The following CEP89 variants were observed in gnomAD, a reference collection of about 807,000 sequenced individuals.
CEP89 encodes centrosomal protein of 89 kDa.
In CEP89, 95 loss-of-function variants were observed where a neutral mutation model predicts 97.6. That is an observed-to-expected ratio of 0.97 (90% CI 0.82 to 1.15). The LOEUF is 1.15. CEP89 is among the 50% of genes most tolerant of loss of function. The pLI is 0.00. For synonymous variants in CEP89, 354 were observed against 349.1 expected (o/e 1.01, Z -0.16); for missense variants, 869 against 947.7 (o/e 0.92, Z 1.09).
At chr19:32,894,456 C>T (rs1427555974) in intron 16 of CEP89, among the ~76,000 whole-genome samples, 1 of 152,150 alleles carries the variant, frequency 6.6e-6, no homozygotes, top group African/African-American at 2.4e-5. Context: ...TGTAGCTTCC[C>T]CAATCTCCAG....
intron 17 of CEP89, among the ~76,000 whole-genome samples, chr19:32,886,017 C>A (rs1207174338): frequency 6.6e-6 from 1 of 152,202 alleles, no homozygotes; most frequent in African/African-American, 2.4e-5. Flanking sequence ...AGTTCCCTCC[C>A]ACACCCTCCT....
chr19:32,904,086 G>A (rs1969839804), intron 14 of CEP89, among the ~76,000 whole-genome samples: 1 of 152,214 alleles, frequency 6.6e-6, no homozygotes, highest in Non-Finnish European at 1.5e-5. Flanking sequence ...CTTGAGCCCA[G>A]GAGGTCAAGG....
intron 16 of CEP89, among the ~76,000 whole-genome samples, chr19:32,891,151 CT>C (rs1448659513): frequency 6.6e-6 from 1 of 152,212 alleles, no homozygotes; most frequent in Non-Finnish European, 1.5e-5. Context: ...GCTGGGGCCC[CT>C]GTCACTAACA....
chr19:32,933,347 C>T, intron 8 of CEP89, 104 bp downstream of exon 8: 1 of 903,786 alleles, frequency 1.1e-6, no homozygotes, highest in Non-Finnish European at 1.7e-6. Context: ...AATATTACAA[C>T]ATAAATTACC....
chr19:32,958,869 T>C (rs1202707836), intron 3 of CEP89, among the ~76,000 whole-genome samples: 3 of 151,364 alleles, frequency 2.0e-5, no homozygotes, highest in Non-Finnish European at 4.4e-5. Context: ...ATACAAAAAT[T>C]AGCCAGGTGT....
intron 3 of CEP89, among the ~76,000 whole-genome samples, chr19:32,956,011 G>A (rs1418772819): frequency 1.4e-5 from 2 of 143,338 alleles, no homozygotes; most frequent in Admixed American, 6.8e-5. Context: ...CAGGTCCTTT[G>A]TCTGTTTTAC....
intron 14 of CEP89, among the ~76,000 whole-genome samples, chr19:32,906,278 T>C (rs1486916416): frequency 6.6e-6 from 1 of 152,206 alleles, no homozygotes; most frequent in East Asian, 1.9e-4. Context: ...ATTTTCCTGC[T>C]CTTATTTGGA....
At chr19:32,967,902 G>A (rs1361514615) in intron 1 of CEP89, among the ~76,000 whole-genome samples, 1 of 152,144 alleles carries the variant, frequency 6.6e-6, no homozygotes, top group African/African-American at 2.4e-5. Context: ...GGCTTCCAGA[G>A]CAGATGGAGG....
chr19:32,881,787 C>T, intron 18 of CEP89, 57 bp downstream of exon 18: 1 of 1,498,820 alleles, frequency 6.7e-7, no homozygotes, highest in Non-Finnish European at 9.0e-7. Context: ...TTTAGCAGAA[C>T]CCTCAATCAG....
intron 4 of CEP89, among the ~76,000 whole-genome samples, chr19:32,949,100 G>A (rs1032251731): frequency 6.6e-6 from 1 of 152,152 alleles, no homozygotes; most frequent in African/African-American, 2.4e-5. Context: ...AGCCTCCTAT[G>A]TTCACCAATT....
At chr19:32,943,550 A>G (rs1970732285) in intron 5 of CEP89, among the ~76,000 whole-genome samples, 1 of 151,970 alleles carries the variant, frequency 6.6e-6, no homozygotes, top group East Asian at 1.9e-4. Flanking sequence ...GTTTAAGCCC[A>G]GGAGGTAGAG....
chr19:32,906,558 T>C (rs986093273), intron 14 of CEP89, among the ~76,000 whole-genome samples: 6 of 152,038 alleles, frequency 3.9e-5, no homozygotes, highest in Non-Finnish European at 8.8e-5. Flanking sequence ...TATCTATATA[T>C]TTACCACTAT....
chr19:32,968,133 C>G (rs1971322914), intron 1 of CEP89, among the ~76,000 whole-genome samples: 2 of 152,302 alleles, frequency 1.3e-5, no homozygotes, highest in African/African-American at 2.4e-5. Context: ...ACCCAATACC[C>G]CCACTCTGTT....
intron 9 of CEP89, among the ~76,000 whole-genome samples, chr19:32,927,364 A>G (rs1290572033): frequency 6.6e-6 from 1 of 152,190 alleles, no homozygotes; most frequent in Non-Finnish European, 1.5e-5. Context: ...TACTGTCATG[A>G]AAATCAGGAA....
chr19:32,971,378 T>C (rs1310116279), intron 1 of CEP89: 6 of 426,598 alleles, frequency 1.4e-5, no homozygotes, highest in Non-Finnish European at 2.1e-5. Flanking sequence ...TGGCCGACCC[T>C]GGGGCAGAAG....
At chr19:32,916,900 C>T (rs1171534581) in intron 13 of CEP89, among the ~76,000 whole-genome samples, 1 of 151,980 alleles carries the variant, frequency 6.6e-6, no homozygotes, top group Non-Finnish European at 1.5e-5. Flanking sequence ...CCCAGCTACC[C>T]GGGAGGTTGA....
At chr19:32,933,081 T>C (rs763158652) in intron 8 of CEP89, among the ~76,000 whole-genome samples, 4 of 152,166 alleles carry the variant, frequency 2.6e-5, no homozygotes, top group Non-Finnish European at 5.9e-5. Flanking sequence ...TTTTAACCTA[T>C]AAAAGTAGCA....
At chr19:32,888,300 G>A (rs901165781) in intron 16 of CEP89, among the ~76,000 whole-genome samples, 7 of 152,236 alleles carry the variant, frequency 4.6e-5, no homozygotes, top group Admixed American at 3.3e-4. Flanking sequence ...ATCCAGCAGA[G>A]ATGACATCAT....
intron 17 of CEP89, among the ~76,000 whole-genome samples, chr19:32,886,701 A>G (rs1969403786): frequency 6.6e-6 from 1 of 152,128 alleles, no homozygotes; most frequent in African/African-American, 2.4e-5. Flanking sequence ...TACTCCGAGG[A>G]TCACTCCTTC....
Sources: gnomAD v4.1 joint callset for allele counts (sites outside exome capture counted in the v4.1 genomes callset) on GRCh38, gnomAD v4.1.1 for gene constraint, MANE v1.5 for transcripts, NCBI Gene and HGNC (gene_info 2026-07-23, HGNC 2026-07-21) for gene names.